Variants in MSRA observed in about 807,000 individuals in gnomAD.
The protein encoded by MSRA is methionine sulfoxide reductase A.
A neutral mutation model predicts 31.3 loss-of-function variants in MSRA; 54 were observed. The observed-to-expected ratio is 1.73, with a 90% CI of 1.39 to 2.17. The LOEUF (loss-of-function observed/expected upper bound fraction) is 2.17. Among genes scored for constraint, MSRA ranks in the 30% most tolerant of loss-of-function variants. MSRA has a pLI of 0.00. For missense variants in MSRA, 507 were observed against 300.9 expected, an observed-to-expected ratio of 1.69 and a Z score of -5.07; for synonymous variants, 169 against 116.5, an observed-to-expected ratio of 1.45 and a Z score of -2.90.
At chr8:10,283,836 T>TATATATATATATATATACAC (rs1261287031) in intron 3 of MSRA, among the ~76,000 whole-genome samples, 2 of 53,166 alleles carry the variant, frequency 3.8e-5, no homozygotes, top group African/African-American at 8.6e-5. Flanking sequence ...TATATATATA[T>TATATATATATATATATACAC]ACACACACAC....
intron 1 of MSRA, among the ~76,000 whole-genome samples, chr8:10,193,551 T>C (rs1170693845): frequency 2.0e-5 from 3 of 152,194 alleles, no homozygotes; most frequent in African/African-American, 7.2e-5. Flanking sequence ...CTCCATCTGT[T>C]AGTGAAGTCA....
chr8:10,263,415 G>C (rs2975676), intron 3 of MSRA, among the ~76,000 whole-genome samples: 2 of 151,962 alleles, frequency 1.3e-5, no homozygotes, highest in African/African-American at 4.8e-5. Flanking sequence ...TAGGAAAAAA[G>C]ACTACATCAT....
At chr8:10,063,313 A>G (rs937472593) in intron 1 of MSRA, among the ~76,000 whole-genome samples, 1 of 152,244 alleles carries the variant, frequency 6.6e-6, no homozygotes, top group South Asian at 2.1e-4. Flanking sequence ...AGCTGTTCAG[A>G]GCATTATCAA....
At chr8:10,308,233 C>G (rs956683415) in intron 4 of MSRA, among the ~76,000 whole-genome samples, 1 of 152,240 alleles carries the variant, frequency 6.6e-6, no homozygotes, top group Non-Finnish European at 1.5e-5. Context: ...TTGACTAACA[C>G]AGCCTTCAAC....
chr8:10,272,344 A>C (rs1418614174), intron 3 of MSRA, among the ~76,000 whole-genome samples: 1 of 152,200 alleles, frequency 6.6e-6, no homozygotes, highest in Non-Finnish European at 1.5e-5. Flanking sequence ...CTGATGGCAT[A>C]GTTCCAGTCC....
At chr8:10,202,054 G>T (rs192292466) in intron 1 of MSRA, among the ~76,000 whole-genome samples, 1 of 152,324 alleles carries the variant, frequency 6.6e-6, no homozygotes, top group East Asian at 1.9e-4. Flanking sequence ...AATAGTTAGG[G>T]CTCAATTAAT....
chr8:10,397,526 C>T (rs1173442470), intron 5 of MSRA, among the ~76,000 whole-genome samples: 6 of 152,142 alleles, frequency 3.9e-5, no homozygotes, highest in Admixed American at 2.0e-4. Flanking sequence ...GTTCACTGGT[C>T]CAGGCTTCAG....
rs142963440 is a variant in MSRA at position 10,405,428 on chromosome 8, C to T, written c.544-22720C>T. 1.7e-3 allele frequency among the ~76,000 whole-genome samples: 266 copies of T among 152,302 alleles called. 5 individuals are homozygous for T. Among genetic ancestry groups the T allele is most frequent in the African/African-American group, 6.1e-3 (252 of 41,578 alleles). Reference sequence around the variant, plus strand: ...GGTCGCCAAGTCACTGCTGTTCCATCATGGCAGAAGGAAGATGAGCTCTCT... The same window carrying T: ...GGTCGCCAAGTCACTGCTGTTCCATTATGGCAGAAGGAAGATGAGCTCTCT... On this transcript the variant is annotated intron_variant, in intron 5 of 5. Transcript: ENST00000317173.
chr8:10,110,005 C>G (rs1800164780), intron 1 of MSRA, among the ~76,000 whole-genome samples: 1 of 152,102 alleles, frequency 6.6e-6, no homozygotes, highest in African/African-American at 2.4e-5. Context: ...TGTATCACCT[C>G]TTGTTCCCCA....
intron 1 of MSRA, among the ~76,000 whole-genome samples, chr8:10,113,294 T>TTTTTTTTTTTG: frequency 9.8e-6 from 1 of 102,266 alleles, no homozygotes; most frequent in Non-Finnish European, 1.8e-5. Context: ...CAGGTCTTCT[T>TTTTTTTTTTTG]TTTTTTTTTT....
chr8:10,407,004 A>T (rs750161177), intron 5 of MSRA, among the ~76,000 whole-genome samples: 1 of 152,124 alleles, frequency 6.6e-6, no homozygotes, highest in Non-Finnish European at 1.5e-5. Context: ...CGGTCTCCCA[A>T]ATAGCTGAGG....
chr8:10,109,460 G>C (rs1800125303), intron 1 of MSRA, among the ~76,000 whole-genome samples: 1 of 151,570 alleles, frequency 6.6e-6, no homozygotes, highest in Non-Finnish European at 1.5e-5. Flanking sequence ...TTCCACCTCA[G>C]CCTCCCAATT....
At chr8:10,197,310 A>G (rs1255313271) in intron 1 of MSRA, among the ~76,000 whole-genome samples, 1 of 152,206 alleles carries the variant, frequency 6.6e-6, no homozygotes, top group Non-Finnish European at 1.5e-5. Context: ...TAATAAAAGT[A>G]TTACAAAGGT....
At chr8:10,350,507 A>T (rs927460227) in intron 5 of MSRA, among the ~76,000 whole-genome samples, 1 of 152,220 alleles carries the variant, frequency 6.6e-6, no homozygotes, top group South Asian at 2.1e-4. Context: ...CAGTGAATCT[A>T]CTATTAAGAT....
chr8:10,317,822 G>C (rs147340526), intron 4 of MSRA, among the ~76,000 whole-genome samples: 1 of 152,276 alleles, frequency 6.6e-6, no homozygotes, highest in East Asian at 1.9e-4. Context: ...AGGGGGCTCT[G>C]GGTCATTGCT....
At chr8:10,125,687 T>G (rs1478144054) in intron 1 of MSRA, among the ~76,000 whole-genome samples, 2 of 152,222 alleles carry the variant, frequency 1.3e-5, no homozygotes, top group African/African-American at 4.8e-5. Flanking sequence ...CGAAAGTCTC[T>G]CGTGAAAGTT....
chr8:10,191,242 C>T (rs1198954183), intron 1 of MSRA, among the ~76,000 whole-genome samples: 3 of 152,168 alleles, frequency 2.0e-5, no homozygotes, highest in African/African-American at 7.2e-5. Flanking sequence ...ACCCCACCAT[C>T]TTTTTACTTC....
At chr8:10,406,249 A>T (rs983662141) in intron 5 of MSRA, among the ~76,000 whole-genome samples, 3 of 152,230 alleles carry the variant, frequency 2.0e-5, no homozygotes, top group African/African-American at 7.2e-5. Context: ...CCTTGCAGTC[A>T]CGGCAGCTTG....
At chr8:10,185,936 A>AT (rs1431271856) in intron 1 of MSRA, among the ~76,000 whole-genome samples, 1 of 151,944 alleles carries the variant, frequency 6.6e-6, no homozygotes, top group African/African-American at 2.4e-5. Flanking sequence ...CAGAGGGGTT[A>AT]TTGACCTGTG....
Sources: gnomAD v4.1 joint callset for allele counts (sites outside exome capture counted in the v4.1 genomes callset) on GRCh38, gnomAD v4.1.1 for gene constraint, MANE v1.5 for transcripts, NCBI Gene and HGNC (gene_info 2026-07-23, HGNC 2026-07-21) for gene names.